The following RORA variants were observed in gnomAD, a reference collection of about 807,000 sequenced individuals.
RORA encodes the protein nuclear receptor ROR-alpha.
In RORA, 7 loss-of-function variants were observed where a neutral mutation model predicts 69.5. The observed-to-expected ratio is 0.10, with a 90% confidence interval of 0.06 to 0.19. RORA has a LOEUF of 0.19. RORA is among the 10% of genes least tolerant of loss of function. The probability of loss-of-function intolerance (pLI) is 1.00; values close to 1 mark genes in which losing one functional copy is unlikely to be tolerated. For synonymous variants in RORA, 261 were observed against 240.8 expected, an observed-to-expected ratio of 1.08 and a Z score of -0.78; for missense variants, 457 against 663.0, an observed-to-expected ratio of 0.69 and a Z score of 3.41.
intron 1 of RORA, among the ~76,000 whole-genome samples, chr15:61,089,300 C>T (rs782909): frequency 0.16 from 24,462 of 152,092 alleles, 2,097 homozygotes; most frequent in South Asian, 0.2. Context: ...TCAAAGCCTG[C>T]CTTAGTTTTA....
chr15:60,736,442 A>T (rs80208544), intron 1 of RORA, among the ~76,000 whole-genome samples: 3,278 of 152,024 alleles, frequency 0.022, 133 homozygotes, highest in African/African-American at 0.076. Context: ...CCAGAGGAAA[A>T]CCTTTGCATA....
At chr15:60,854,859 G>T (rs1595768344) in intron 1 of RORA, among the ~76,000 whole-genome samples, 1 of 152,288 alleles carries the variant, frequency 6.6e-6, no homozygotes, top group South Asian at 2.1e-4. Flanking sequence ...TAAAGTATTG[G>T]CCTCCTTCCT....
rs184894282 is a variant in RORA, at chr15:61,050,053, G to A, written c.166+179000C>T. Among the ~76,000 whole-genome samples, 116 of 152,246 alleles carry A rather than the reference G, an allele frequency of 7.6e-4. No homozygotes were observed. In the Middle Eastern group the frequency reaches 0.01, roughly 13 times the overall value. On this transcript the variant is annotated intron_variant, in intron 1 of 10. Coordinates refer to ENST00000335670, the MANE Select transcript of RORA (RefSeq NM_134261.3). ...ACTCAAATCAATATATAGCCAACAC[G>A]TTTGATATGACCACAGAACCCATTT...
chr15:60,681,701 C>T (rs996088660), intron 1 of RORA: 14 of 152,192 alleles, frequency 9.2e-5, no homozygotes, highest in Non-Finnish European at 2.1e-4. Flanking sequence ...TGGGTCTCCC[C>T]TTTTCTTTTT....
At chr15:60,741,733 G>T (rs1242838376) in intron 1 of RORA, among the ~76,000 whole-genome samples, 6 of 152,166 alleles carry the variant, frequency 3.9e-5, no homozygotes, top group Non-Finnish European at 8.8e-5. Flanking sequence ...GGTCAAGGAG[G>T]TGCAGCCCTC....
intron 1 of RORA, among the ~76,000 whole-genome samples, chr15:61,047,894 C>T (rs1595916231): frequency 6.6e-6 from 1 of 151,186 alleles, no homozygotes; most frequent in East Asian, 1.9e-4. Context: ...TTCTTGCGGA[C>T]CCATTTTCCA....
intron 1 of RORA, among the ~76,000 whole-genome samples, chr15:60,792,144 G>A (rs1319727960): frequency 6.6e-6 from 1 of 152,030 alleles, no homozygotes; most frequent in Non-Finnish European, 1.5e-5. Flanking sequence ...TTGAAAAGTA[G>A]AATGAATATA....
chr15:60,533,473 T>C (rs2066588448), intron 2 of RORA, among the ~76,000 whole-genome samples: 1 of 150,988 alleles, frequency 6.6e-6, no homozygotes, highest in African/African-American at 2.5e-5. Context: ...GCTTGACTTC[T>C]TCAAGAAAAA....
At chr15:60,525,477 C>T (rs1256256852) in intron 3 of RORA, among the ~76,000 whole-genome samples, 1 of 152,184 alleles carries the variant, frequency 6.6e-6, no homozygotes, top group African/African-American at 2.4e-5. Context: ...TTAACATACC[C>T]ACTTCCACTT....
At chr15:61,169,631 T>G (rs1031507410) in intron 1 of RORA, among the ~76,000 whole-genome samples, 1 of 151,350 alleles carries the variant, frequency 6.6e-6, no homozygotes, top group Non-Finnish European at 1.5e-5. Context: ...GGTTTCGTTT[T>G]TCCATTTTCA....
chr15:60,685,809 C>T (rs189689849), intron 1 of RORA, among the ~76,000 whole-genome samples: 5 of 152,220 alleles, frequency 3.3e-5, no homozygotes, highest in Admixed American at 1.3e-4. Flanking sequence ...AGCAATGTTA[C>T]GACAATCAAA....
chr15:61,078,168 A>G (rs1301203417), intron 1 of RORA, among the ~76,000 whole-genome samples: 1 of 152,190 alleles, frequency 6.6e-6, no homozygotes, highest in Non-Finnish European at 1.5e-5. Context: ...TTTTAAATTA[A>G]AAACAATTTT....
intron 1 of RORA, among the ~76,000 whole-genome samples, chr15:60,728,075 C>T (rs1567170982): frequency 6.6e-6 from 1 of 152,180 alleles, no homozygotes; most frequent in Non-Finnish European, 1.5e-5. Flanking sequence ...AGAACGAATG[C>T]CAAAGGATTT....
chr15:60,874,363 GTAAACAGAA>G (rs2073591179), intron 1 of RORA, among the ~76,000 whole-genome samples: 2 of 152,158 alleles, frequency 1.3e-5, no homozygotes, highest in Admixed American at 1.3e-4. Context: ...GAATACAGCA[GTAAACAGAA>G]TAAACTTTCC....
intron 1 of RORA, among the ~76,000 whole-genome samples, chr15:61,114,733 A>G (rs902782654): frequency 6.6e-6 from 1 of 152,290 alleles, no homozygotes; most frequent in East Asian, 1.9e-4. Context: ...GGTTATCCCT[A>G]TACTTTGTTC....
intron 1 of RORA, among the ~76,000 whole-genome samples, chr15:60,690,064 G>A (rs891922707): frequency 6.6e-6 from 1 of 152,194 alleles, no homozygotes; most frequent in Admixed American, 6.5e-5. Context: ...ACAGTTCCAT[G>A]AAATTACTAC....
intron 2 of RORA, among the ~76,000 whole-genome samples, chr15:60,598,284 G>A (rs888733850): frequency 6.6e-6 from 1 of 152,102 alleles, no homozygotes; most frequent in African/African-American, 2.4e-5. Flanking sequence ...TTTGCTGAGC[G>A]TTCTACAATT....
intron 3 of RORA, among the ~76,000 whole-genome samples, chr15:60,516,281 C>G (rs1307258739): frequency 1.2e-5 from 1 of 85,946 alleles, no homozygotes. Flanking sequence ...TTTTTTTGGT[C>G]GAGATGGGGG....
At chr15:60,619,645 G>A (rs1282186824) in intron 2 of RORA, among the ~76,000 whole-genome samples, 3 of 152,124 alleles carry the variant, frequency 2.0e-5, no homozygotes, top group African/African-American at 4.8e-5. Context: ...GCATACAAGC[G>A]GGAGTTCTGC....
Sources: gnomAD v4.1 joint callset for allele counts (sites outside exome capture counted in the v4.1 genomes callset) on GRCh38, gnomAD v4.1.1 for gene constraint, MANE v1.5 for transcripts, NCBI Gene and HGNC (gene_info 2026-07-23, HGNC 2026-07-21) for gene names.